AGTPBP1: variants seen among roughly 807,000 people sequenced by gnomAD.
AGTPBP1 encodes ATP/GTP binding carboxypeptidase 1.
AGTPBP1 carries 70 observed loss-of-function variants against 143.9 expected under a neutral mutation model. The observed-to-expected ratio is 0.49, with a 90% CI of 0.40 to 0.59. The LOEUF is 0.59. AGTPBP1 is among the 20% of genes least tolerant of loss of function. The pLI is 0.00. For missense variants in AGTPBP1, 1,229 were observed against 1,464.5 expected (o/e 0.84, Z 2.62); for synonymous variants, 463 against 500.2 (o/e 0.93, Z 0.99).
At chr9:85,560,094 C>T (rs950856852) in intron 25 of AGTPBP1, among the ~76,000 whole-genome samples, 1 of 152,062 alleles carries the variant, frequency 6.6e-6, no homozygotes, top group African/African-American at 2.4e-5. Flanking sequence ...GTATCAAAAG[C>T]AAACAAGAGA....
At chr9:85,657,867 G>A (rs557980067) in intron 9 of AGTPBP1, among the ~76,000 whole-genome samples, 87 of 152,138 alleles carry the variant, frequency 5.7e-4, no homozygotes, top group South Asian at 1.4e-3. Flanking sequence ...AATGTTTCAC[G>A]ATTTATAAAT....
At chr9:85,720,606 C>T (rs1236216621) in intron 1 of AGTPBP1, among the ~76,000 whole-genome samples, 1 of 150,254 alleles carries the variant, frequency 6.7e-6, no homozygotes, top group African/African-American at 2.4e-5. Flanking sequence ...TTTCAAAAAA[C>T]CAGCTCCTGG....
chr9:85,749,303 C>T, the AGTPBP1 span, among the ~76,000 whole-genome samples: 1 of 152,090 alleles, frequency 6.6e-6, no homozygotes, highest in Non-Finnish European at 1.5e-5. Flanking sequence ...CCACGTAGGG[C>T]AATTTTATTC....
intron 25 of AGTPBP1, among the ~76,000 whole-genome samples, chr9:85,572,798 A>G (rs976623901): frequency 6.6e-6 from 1 of 152,180 alleles, no homozygotes; most frequent in Non-Finnish European, 1.5e-5. Flanking sequence ...CTTGTTTAGG[A>G]GGTACTTTGA....
intron 14 of AGTPBP1, among the ~76,000 whole-genome samples, chr9:85,623,533 T>A (rs1006301215): frequency 4.6e-5 from 7 of 151,854 alleles, no homozygotes; most frequent in Non-Finnish European, 8.8e-5. Flanking sequence ...GGCAGGAGGA[T>A]CACGATGTGG....
intron 25 of AGTPBP1, among the ~76,000 whole-genome samples, chr9:85,562,949 A>T (rs904970686): frequency 3.3e-5 from 5 of 152,102 alleles, no homozygotes; most frequent in Admixed American, 3.3e-4. Flanking sequence ...TGCCCTTATA[A>T]AAGAGACCCC....
chr9:85,590,461 C>G (rs1158303509), intron 19 of AGTPBP1, among the ~76,000 whole-genome samples: 1 of 151,798 alleles, frequency 6.6e-6, no homozygotes, highest in South Asian at 2.1e-4. Context: ...GTGGTTATAC[C>G]AAAAATAAAT....
At chr9:85,778,349 G>C in the AGTPBP1 span, among the ~76,000 whole-genome samples, 2 of 152,212 alleles carry the variant, frequency 1.3e-5, no homozygotes, top group Non-Finnish European at 2.9e-5. Flanking sequence ...AAGGAGAGTA[G>C]TTATCTGCAG....
Position 85,632,807 on chromosome 9 carries a change from G to C in AGTPBP1, c.1870C>G (p.Leu624Val). ...TCAATATAGAGGTCTGGGTCATGGA[G>C]TGTTGGTCCATCAGGTACTTCAACC... ...ASVEVPDGPTLHDPDLYIEIV... is the reference protein window; with the variant it reads ...ASVEVPDGPTVHDPDLYIEIV... Residue 624 changes from leucine (L) to valine (V), a missense_variant, in exon 14 of 26, where the codon CTC (leucine) becomes GTC (valine). Coordinates refer to ENST00000357081, the MANE Select transcript of AGTPBP1 (RefSeq NM_001330701.2). 2 of 1,614,044 alleles carry C rather than the reference G, an allele frequency of 1.2e-6. No individual in the cohort carries two copies. The highest frequency in any genetic ancestry group is 2.2e-5 in the East Asian group (1 of 44,892).
In AGTPBP1 at chr9:85,635,045, T is replaced by C. The variant is rs74544815; in HGVS notation, c.1303-1671A>G. 9.9e-3 allele frequency among the ~76,000 whole-genome samples: 1,506 copies of C among 152,320 alleles called. 23 individuals carry two copies. Among genetic ancestry groups the C allele is most frequent in the African/African-American group, 0.034 (1,410 of 41,562 alleles). On this transcript the variant is annotated intron_variant, in intron 13 of 25. Transcript: ENST00000357081. Reference sequence around the variant, plus strand: ...CTGACTACTGGGAAGCAAACACTTTTCTATACATCTGTTAATCAGTCGCAA... The same window carrying C: ...CTGACTACTGGGAAGCAAACACTTTCCTATACATCTGTTAATCAGTCGCAA...
chr9:85,687,799 G>C (rs1265912380), intron 3 of AGTPBP1, among the ~76,000 whole-genome samples: 1 of 152,016 alleles, frequency 6.6e-6, no homozygotes, highest in East Asian at 1.9e-4. Flanking sequence ...TCCACTGTAA[G>C]AAAATGGCGG....
At chr9:85,783,624 TG>T in the AGTPBP1 span, among the ~76,000 whole-genome samples, 5 of 152,014 alleles carry the variant, frequency 3.3e-5, no homozygotes, top group Non-Finnish European at 5.9e-5. Flanking sequence ...TTTGGTGCAT[TG>T]TTTTTTTTTT....
the AGTPBP1 span, among the ~76,000 whole-genome samples, chr9:85,771,591 T>A: frequency 6.6e-6 from 1 of 152,064 alleles, no homozygotes; most frequent in African/African-American, 2.4e-5. Flanking sequence ...TTGATGAGAG[T>A]GCATCCTATT....
At chr9:85,720,578 G>A (rs1838039412) in intron 1 of AGTPBP1, among the ~76,000 whole-genome samples, 1 of 151,348 alleles carries the variant, frequency 6.6e-6, no homozygotes, top group Non-Finnish European at 1.5e-5. Flanking sequence ...CTTGCTAGTG[G>A]TCTATTTTGT....
Position 85,725,867 on chromosome 9 carries a change from G to A in AGTPBP1, c.-33-13301C>T, listed in dbSNP as rs142787182. 9.8e-4 allele frequency among the ~76,000 whole-genome samples: 149 copies of A among 151,866 alleles called. 4 individuals are homozygous for A. In the East Asian group the frequency reaches 0.026, roughly 27 times the overall value. ...TCGAGACCAGCCTGGCCAACATGGCGAAATCCCGTCTCTACTAAAAATACA... is the reference window on the plus strand; with the variant it reads ...TCGAGACCAGCCTGGCCAACATGGCAAAATCCCGTCTCTACTAAAAATACA... On this transcript the variant is annotated intron_variant, in intron 1 of 25. Transcript: ENST00000357081.
At chr9:85,647,402 CAT>C (rs1320505775) in intron 11 of AGTPBP1, among the ~76,000 whole-genome samples, 2 of 152,130 alleles carry the variant, frequency 1.3e-5, no homozygotes, top group African/African-American at 2.4e-5. Context: ...TCAGGTAGCT[CAT>C]GAGGTTAAAG....
intron 1 of AGTPBP1, among the ~76,000 whole-genome samples, chr9:85,730,775 G>GCATTC (rs1838828979): frequency 6.6e-6 from 1 of 152,106 alleles, no homozygotes; most frequent in African/African-American, 2.4e-5. Flanking sequence ...CCTTATATCT[G>GCATTC]CTATTCCTAT....
the AGTPBP1 span, among the ~76,000 whole-genome samples, chr9:85,758,350 G>T: frequency 2.6e-5 from 4 of 152,084 alleles, no homozygotes; most frequent in Admixed American, 2.0e-4. Context: ...GAAATTAAAA[G>T]GGTTGGAGGA....
chr9:85,626,604 T>C (rs1831309377), intron 14 of AGTPBP1, among the ~76,000 whole-genome samples: 1 of 152,184 alleles, frequency 6.6e-6, no homozygotes, highest in African/African-American at 2.4e-5. Context: ...TGGAAATACC[T>C]TTAACCTGAA....
Sources: allele counts gnomAD v4.1 joint callset (sites outside exome capture counted in the v4.1 genomes callset), GRCh38; gene constraint gnomAD v4.1.1; transcripts MANE v1.5; gene names NCBI Gene and HGNC (gene_info 2026-07-23, HGNC 2026-07-21).